Variants in FBN2 observed in about 807,000 individuals in gnomAD.
FBN2 encodes the protein fibrillin-2.
A neutral mutation model predicts 355.6 loss-of-function variants in FBN2; 105 were observed. That is an observed-to-expected ratio of 0.30 (90% CI 0.25 to 0.35). The LOEUF (loss-of-function observed/expected upper bound fraction) is 0.35, where lower values mean the gene tolerates loss of function less well. Among genes scored for constraint, FBN2 ranks in the 10% least tolerant of loss-of-function variants. The pLI is 1.00. For missense variants in FBN2, 3,280 were observed against 3,758.7 expected, an observed-to-expected ratio of 0.87 and a Z score of 3.33; for synonymous variants, 1,350 against 1,301.2, an observed-to-expected ratio of 1.04 and a Z score of -0.81.
intron 3 of FBN2, among the ~76,000 whole-genome samples, chr5:128,530,383 C>T (rs1378925736): frequency 6.6e-6 from 1 of 152,162 alleles, no homozygotes; most frequent in Non-Finnish European, 1.5e-5. Flanking sequence ...TACCTGGATT[C>T]AAGTCTGTGT....
At chr5:128,536,862 C>A (rs576659196) in intron 1 of FBN2, among the ~76,000 whole-genome samples, 1 of 152,286 alleles carries the variant, frequency 6.6e-6, no homozygotes, top group East Asian at 1.9e-4. Context: ...TCAACTGTTA[C>A]TTTGGCCCCG....
chr5:128,340,303 G>A (rs1479027551), intron 25 of FBN2, among the ~76,000 whole-genome samples: 1 of 152,068 alleles, frequency 6.6e-6, no homozygotes, highest in Non-Finnish European at 1.5e-5. Flanking sequence ...CTCTTGAGAG[G>A]GGGGTCTCAG....
intron 2 of FBN2, 71 bp from the exon 3 acceptor site, chr5:128,530,764 T>C (rs1311512005): frequency 8.8e-6 from 9 of 1,021,858 alleles, no homozygotes. Context: ...ACAAGAAAGC[T>C]GTATTTAAAA....
chr5:128,296,479 G>C (rs1332325760), intron 48 of FBN2, among the ~76,000 whole-genome samples: 3 of 151,670 alleles, frequency 2.0e-5, no homozygotes, highest in African/African-American at 4.9e-5. Context: ...GACTCTTTTT[G>C]GTTGGTAAGC....
intron 7 of FBN2, among the ~76,000 whole-genome samples, chr5:128,440,847 C>A (rs1753899535): frequency 6.6e-6 from 1 of 152,148 alleles, no homozygotes; most frequent in African/African-American, 2.4e-5. Context: ...AGAGAGGCGG[C>A]ATAGAATACT....
At chr5:128,521,067 G>C (rs1269208927) in intron 4 of FBN2, among the ~76,000 whole-genome samples, 1 of 152,114 alleles carries the variant, frequency 6.6e-6, no homozygotes, top group Non-Finnish European at 1.5e-5. Flanking sequence ...ACATGTATGC[G>C]TATGTTCATT....
chr5:128,368,429 TATATACAC>T lies in FBN2; in HGVS notation c.2248+745_2248+752del, dbSNP rs1296949803. Among the ~76,000 whole-genome samples, 518 of 125,894 alleles carry T rather than the reference TATATACAC, an allele frequency of 4.1e-3. 7 individuals are homozygous for T. The highest frequency in any genetic ancestry group is 0.013 in the African/African-American group (430 of 33,294). 82.6% of individuals were successfully genotyped at this position (125,894 alleles called of 152,430 possible). A position where few individuals can be genotyped will look rare whatever the true frequency, so the allele number is the denominator to read the frequency against. The stretch of plus-strand genomic sequence containing the variant: ...ATATGTGTGTGTGTGTGTATATATA[TATATACAC>T]ATATATACATATATATACACATATA... On this transcript the variant is annotated intron_variant, in intron 16 of 64. Coordinates refer to ENST00000262464, the MANE Select transcript of FBN2 (RefSeq NM_001999.4).
chr5:128,466,545 C>T (rs35396041), intron 5 of FBN2, among the ~76,000 whole-genome samples: 8,972 of 152,184 alleles, frequency 0.059, 371 homozygotes, highest in Non-Finnish European at 0.084. Flanking sequence ...AGTACAACAA[C>T]AAAAACCTTA....
intron 7 of FBN2, among the ~76,000 whole-genome samples, chr5:128,429,264 G>A (rs1270969717): frequency 6.6e-6 from 1 of 152,044 alleles, no homozygotes; most frequent in Non-Finnish European, 1.5e-5. Context: ...ACAGCTTGGG[G>A]GTGAGCGATG....
intron 5 of FBN2, among the ~76,000 whole-genome samples, chr5:128,509,519 C>T (rs897630334): frequency 1.3e-5 from 2 of 152,100 alleles, no homozygotes. Flanking sequence ...TTTCATCTTC[C>T]AGTCTGTTAA....
chr5:128,383,283 A>T (rs1752280645), intron 11 of FBN2, among the ~76,000 whole-genome samples: 1 of 152,054 alleles, frequency 6.6e-6, no homozygotes, highest in Non-Finnish European at 1.5e-5. Context: ...GATGGTTATT[A>T]ATATACTACA....
At chr5:128,333,076 CTAAT>C (rs1561775096) in intron 31 of FBN2, 42 bp from the exon 32 acceptor site, 2 of 1,523,782 alleles carry the variant, frequency 1.3e-6, no homozygotes, top group Non-Finnish European at 1.8e-6. Flanking sequence ...AAAATACAAA[CTAAT>C]TAATTCTACT....
At chr5:128,297,164 A>G (rs1161971369) in intron 48 of FBN2, among the ~76,000 whole-genome samples, 1 of 152,054 alleles carries the variant, frequency 6.6e-6, no homozygotes, top group Non-Finnish European at 1.5e-5. Flanking sequence ...GAGATTCTTA[A>G]TCCTGAGTTC....
Position 128,287,424 on chromosome 5 carries a change from T to C in FBN2, c.6764A>G (p.Asn2255Ser), listed in dbSNP as rs886039147. 3 of 1,613,896 alleles carry C rather than the reference T, an allele frequency of 1.9e-6. No individual in the cohort carries two copies. The highest frequency in any genetic ancestry group is 2.7e-5 in the African/African-American group (2 of 75,036). The change falls in exon 54 of 65, where the codon AAC becomes AGC. Residue 2255 changes from asparagine to serine, a missense_variant. Asn to Ser is a conservative substitution (Grantham distance 46, BLOSUM62 1). Around this residue, in one of 6 missense-constraint regions of FBN2, gnomAD observed 2,284 missense variants for 2,749.5 expected, o/e 0.83. Coordinates refer to ENST00000262464, the MANE Select transcript of FBN2 (RefSeq NM_001999.4). ...PGPMMNCEDI[N>S]ECAQNPLLCA... The stretch of plus-strand genomic sequence containing the variant: ...CAGCAGTGGGTTCTGGGCACATTCG[T>C]TGATATCTGACCAAAGGAATGGACA...
Position 128,336,041 on chromosome 5 carries a change from T to C in FBN2, c.3671A>G (p.Gln1224Arg). The C allele has an allele frequency of 6.2e-7, 1 of 1,614,090 alleles. No homozygotes were observed. Residue 1224 changes from glutamine to arginine, a missense_variant, in exon 28 of 65, where the codon CAG becomes CGG. Around this residue, in one of 6 missense-constraint regions of FBN2, gnomAD observed 2,284 missense variants for 2,749.5 expected, o/e 0.83. Coordinates refer to ENST00000262464, the MANE Select transcript of FBN2 (RefSeq NM_001999.4). ...CTGATATCCAGGATTGCAAGAGCAC[T>C]GATAGGTTCCAATCATGTTCACACA... Reference protein sequence around the residue: ...GKCVNMIGTYQCSCNPGYQAT... With the variant: ...GKCVNMIGTYRCSCNPGYQAT...
intron 11 of FBN2, among the ~76,000 whole-genome samples, chr5:128,383,175 G>A (rs78379106): frequency 0.05 from 7,659 of 152,188 alleles, 284 homozygotes; most frequent in East Asian, 0.081. Flanking sequence ...AGTCAGAGCT[G>A]AGAGTCCAGA....
In FBN2 at chr5:128,312,918, A is replaced by G. The variant is rs1316285091; in HGVS notation, c.4718-123T>C. 5 of 1,071,094 alleles carry G rather than the reference A, an allele frequency of 4.7e-6. No individual in the cohort carries two copies. In the African/African-American group the frequency reaches 6.2e-5, roughly 13 times the overall value. 66.3% of individuals were successfully genotyped at this position (1,071,094 alleles called of 1,614,324 possible). A position where few individuals can be genotyped will look rare whatever the true frequency, so the allele number is the denominator to read the frequency against. On this transcript the variant is annotated intron_variant, in intron 36 of 64. Coordinates refer to ENST00000262464, the MANE Select transcript of FBN2 (RefSeq NM_001999.4). Reference sequence around the variant, plus strand: ...ACGTTAACATGAAAGGTTCCTTTTAATCCTTAAGTACCAAGCAATCTCCTG... The same window carrying G: ...ACGTTAACATGAAAGGTTCCTTTTAGTCCTTAAGTACCAAGCAATCTCCTG...
intron 8 of FBN2, among the ~76,000 whole-genome samples, chr5:128,398,964 T>TA (rs905763582): frequency 2.0e-5 from 3 of 152,214 alleles, no homozygotes; most frequent in Non-Finnish European, 4.4e-5. Flanking sequence ...TATGGAACTG[T>TA]AAGTCCAATA....
chr5:128,408,152 T>G (rs577022583), intron 8 of FBN2, among the ~76,000 whole-genome samples: 4 of 152,172 alleles, frequency 2.6e-5, no homozygotes, highest in Admixed American at 6.6e-5. Flanking sequence ...ATAAGACAGA[T>G]GTCTAAGCCT....
Sources: allele counts gnomAD v4.1 joint callset (sites outside exome capture counted in the v4.1 genomes callset), GRCh38; gene constraint gnomAD v4.1.1; regional missense constraint gnomAD v4.1.1; transcripts MANE v1.5; gene names NCBI Gene and HGNC (gene_info 2026-07-23, HGNC 2026-07-21).